The following PADI2 variants were observed in gnomAD, a reference collection of about 807,000 sequenced individuals.
PADI2 encodes protein-arginine deiminase type-2.
Under a neutral mutation model 81.1 loss-of-function variants are expected in PADI2, and 70 were observed. That is an observed-to-expected ratio of 0.86 (90% CI 0.71 to 1.05). PADI2 has a LOEUF of 1.05. Ranked by LOEUF, PADI2 falls within the 50% of genes least tolerant of loss-of-function variation. PADI2 has a pLI of 0.00. For synonymous variants in PADI2, 338 were observed against 358.0 expected (o/e 0.94, Z 0.63); for missense variants, 853 against 889.9 (o/e 0.96, Z 0.53).
chr1:17,079,382 G>A lies in PADI2; in HGVS notation c.1192C>T (p.Leu398Phe), dbSNP rs373987897. ...PDFGYVTREP[L>F]FESVTSLDSF... Reference sequence around the variant, plus strand: ...TCAAGGCTGGTGACAGACTCAAAGAGGGGCTCCCGGGTCACGTAGCCAAAA... The same window carrying A: ...TCAAGGCTGGTGACAGACTCAAAGAAGGGCTCCCGGGTCACGTAGCCAAAA... The change falls in exon 11 of 16, where the codon CTC becomes TTC. Residue 398 changes from leucine (L) to phenylalanine (F), a missense_variant. Leu to Phe is a conservative substitution (Grantham distance 22). Coordinates refer to ENST00000375486, the MANE Select transcript of PADI2 (RefSeq NM_007365.3). The A allele has an allele frequency of 1.1e-5, 17 of 1,613,932 alleles. No homozygotes were observed. In the African/African-American group the frequency reaches 1.5e-4, roughly 14 times the overall value.
intron 1 of PADI2, among the ~76,000 whole-genome samples, chr1:17,117,131 C>T (rs1298905685): frequency 2.6e-5 from 4 of 152,314 alleles, no homozygotes; most frequent in Admixed American, 1.3e-4. Context: ...GATTGAGAAA[C>T]TCTGCACTAG....
chr1:17,073,048 A>G (rs4448563), intron 13 of PADI2, among the ~76,000 whole-genome samples: 91,357 of 151,980 alleles, frequency 0.6, 27,853 homozygotes, highest in Middle Eastern at 0.7. Flanking sequence ...GTAAGTATCA[A>G]CCAGCTGCGG....
chr1:17,105,919 T>C (rs1931358884), intron 1 of PADI2, among the ~76,000 whole-genome samples: 1 of 152,192 alleles, frequency 6.6e-6, no homozygotes, highest in Non-Finnish European at 1.5e-5. Flanking sequence ...CTAGTGCCTC[T>C]GATGGGAGGC....
At chr1:17,112,530 G>C (rs1041644247) in intron 1 of PADI2, among the ~76,000 whole-genome samples, 3 of 152,048 alleles carry the variant, frequency 2.0e-5, no homozygotes, top group Non-Finnish European at 2.9e-5. Flanking sequence ...GTCTGGGGGG[G>C]GGAGTCGTGG....
In PADI2 at chr1:17,096,037, G is replaced by A. The variant is rs1441202290; in HGVS notation, c.350-67C>T. ...CAGGGCAGGGCAGGGGCAAGAGGAA[G>A]ACCTGTGGGATTTGGGTGCGTCTCA... On this transcript the variant is annotated intron_variant, in intron 3 of 15. Transcript: ENST00000375486. 6.3e-6 allele frequency: 8 copies of A among 1,270,006 alleles called. No homozygotes were observed. In the Admixed American group the frequency reaches 1.4e-4, roughly 22 times the overall value. The allele number at this position is 1,270,006 out of a possible 1,614,324, so 78.7% of individuals were successfully genotyped here.
rs1437744540 is a variant in PADI2, at chr1:17,068,618, T to TGGGGTCCC, written c.*418_*425dup. 2.5e-5 allele frequency: 5 copies of TGGGGTCCC among 200,316 alleles called. No homozygotes were observed. The highest frequency in any genetic ancestry group is 5.2e-5 in the Non-Finnish European group (5 of 96,626). 12.4% of individuals were successfully genotyped at this position (200,316 alleles called of 1,614,324 possible). Reference sequence around the variant, plus strand: ...AGATACGTCTAGGGTCCCGGGGTCCTGGGGTCCCTTTCCATGGATTCTACC... The same window carrying TGGGGTCCC: ...AGATACGTCTAGGGTCCCGGGGTCCTGGGGTCCCGGGGTCCCTTTCCATGGATTCTACC... On this transcript the variant is annotated 3_prime_UTR_variant, in exon 16 of 16. Transcript: ENST00000375486.
intron 10 of PADI2, among the ~76,000 whole-genome samples, chr1:17,081,013 G>A (rs2078339955): frequency 6.6e-6 from 1 of 152,232 alleles, no homozygotes; most frequent in Non-Finnish European, 1.5e-5. Flanking sequence ...CAGGTGGGCA[G>A]GTATGCAGCA....
At chr1:17,072,480 G>T (rs1414009284) in intron 13 of PADI2, among the ~76,000 whole-genome samples, 1 of 152,110 alleles carries the variant, frequency 6.6e-6, no homozygotes, top group African/African-American at 2.4e-5. Context: ...TCTTTTAAAG[G>T]GATGTGTTTT....
At chr1:17,097,404 G>C (rs1339644704) in intron 3 of PADI2, among the ~76,000 whole-genome samples, 1 of 152,242 alleles carries the variant, frequency 6.6e-6, no homozygotes, top group Non-Finnish European at 1.5e-5. Context: ...GAAGGAGGCT[G>C]CAAGGGCGCC....
intron 1 of PADI2, among the ~76,000 whole-genome samples, chr1:17,108,023 A>G (rs901622708): frequency 6.8e-6 from 1 of 146,580 alleles, no homozygotes. Context: ...ATCTCAGCTT[A>G]TTGCAAACTC....
intron 2 of PADI2, among the ~76,000 whole-genome samples, chr1:17,103,728 A>G (rs916883677): frequency 2.0e-5 from 3 of 151,986 alleles, no homozygotes; most frequent in African/African-American, 7.3e-5. Context: ...GGTGTGTTAT[A>G]AGGTGTAAAA....
chr1:17,090,135 C>T (rs928752746), intron 6 of PADI2, among the ~76,000 whole-genome samples: 1 of 152,230 alleles, frequency 6.6e-6, no homozygotes, highest in Non-Finnish European at 1.5e-5. Context: ...AGCCTTCTGT[C>T]CACTCCAATC....
intron 14 of PADI2, among the ~76,000 whole-genome samples, 158 bp from the exon 15 acceptor site, chr1:17,070,374 T>C (rs2078256989): frequency 6.6e-6 from 1 of 152,128 alleles, no homozygotes; most frequent in South Asian, 2.1e-4. Flanking sequence ...TCCCTGGCCC[T>C]GTCCACCGGG....
intron 11 of PADI2, among the ~76,000 whole-genome samples, chr1:17,078,639 C>T (rs1422069139): frequency 2.6e-5 from 4 of 152,130 alleles, no homozygotes; most frequent in Non-Finnish European, 5.9e-5. Context: ...CTGCTTGCCT[C>T]GGCCTCCCAA....
In PADI2 at chr1:17,115,436, T is replaced by C. The variant is rs1931721238; in HGVS notation, c.92+3844A>G. ...CAGGGAGGAAAAGAAGAGCCCTGCCTTCTCGAGAACTCTCACTGACAGAGG... is the reference window on the plus strand; with the variant it reads ...CAGGGAGGAAAAGAAGAGCCCTGCCCTCTCGAGAACTCTCACTGACAGAGG... On this transcript the variant is annotated intron_variant, in intron 1 of 15. Coordinates refer to ENST00000375486, the MANE Select transcript of PADI2 (RefSeq NM_007365.3). This position sits in a 1 kb window ranked among gnomAD's most constrained non-coding sequence, Gnocchi z 4.1. Among the ~76,000 whole-genome samples, 1 of 152,218 alleles carries C rather than the reference T, an allele frequency of 6.6e-6. No homozygotes were observed. Among genetic ancestry groups the C allele is most frequent in the African/African-American group, 2.4e-5 (1 of 41,456 alleles).
chr1:17,115,690 G>A lies in PADI2; in HGVS notation c.92+3590C>T, dbSNP rs1390337044. On this transcript the variant is annotated intron_variant, in intron 1 of 15. Coordinates refer to ENST00000375486, the MANE Select transcript of PADI2 (RefSeq NM_007365.3). This position sits in a 1 kb window ranked among gnomAD's most constrained non-coding sequence, Gnocchi z 4.1. ...TCCAACTTCAAGCCCAAATCAGATG[G>A]GGACCCAGGCCAGCCCCACTGAAGA... is the stretch of plus-strand genomic sequence containing the variant. Among the ~76,000 whole-genome samples, 1 of 152,190 alleles carries A rather than the reference G, an allele frequency of 6.6e-6. No individual in the cohort carries two copies. The highest frequency in any genetic ancestry group is 1.5e-5 in the Non-Finnish European group (1 of 68,034).
Position 17,079,351 on chromosome 1 carries a change from A to G in PADI2, c.1223T>C (p.Phe408Ser), listed in dbSNP as rs781688957. 25 of 1,613,962 alleles carry G rather than the reference A, an allele frequency of 1.5e-5. No homozygotes were observed. In the East Asian group the frequency reaches 4.9e-4, roughly 32 times the overall value. ...LFESVTSLDS[F>S]GNLEVSPPVT... ...TGGGGGACTGACCTCCAGGTTTCCA[A>G]ATGAGTCAAGGCTGGTGACAGACTC... Residue 408 changes from phenylalanine (F) to serine (S), a missense_variant, in exon 11 of 16, where the codon TTT (phenylalanine) becomes TCT (serine). Physicochemically the swap from Phe to Ser is radical, Grantham distance 155. Transcript: ENST00000375486.
intron 15 of PADI2, among the ~76,000 whole-genome samples, chr1:17,069,729 A>G (rs1181341749): frequency 6.6e-6 from 1 of 152,170 alleles, no homozygotes; most frequent in Non-Finnish European, 1.5e-5. Flanking sequence ...ATGTGTGTAT[A>G]TATGTGTCCA....
intron 3 of PADI2, 28 bp from the exon 4 acceptor site, chr1:17,095,998 C>A (rs776156555): frequency 6.3e-7 from 1 of 1,585,060 alleles, no homozygotes; most frequent in African/African-American, 1.3e-5. Flanking sequence ...GGGTGAGTTG[C>A]TGAGCCTGCC....
Sources: allele counts gnomAD v4.1 joint callset (sites outside exome capture counted in the v4.1 genomes callset), GRCh38; gene constraint gnomAD v4.1.1; non-coding constraint Gnocchi (gnomAD v3.1); transcripts MANE v1.5; gene names NCBI Gene and HGNC (gene_info 2026-07-23, HGNC 2026-07-21).